The following PDE1A variants were observed in gnomAD, a reference collection of about 807,000 sequenced individuals.
PDE1A encodes the protein dual specificity calcium/calmodulin-dependent 3',5'-cyclic nucleotide phosphodiesterase 1A.
In PDE1A, 35 loss-of-function variants were observed where a neutral mutation model predicts 61.7. That is an observed-to-expected ratio of 0.57 (90% CI 0.43 to 0.75). The LOEUF is 0.75. PDE1A is among the 30% of genes least tolerant of loss of function. PDE1A has a pLI of 0.00. For synonymous variants in PDE1A, 232 were observed against 213.2 expected (o/e 1.09, Z -0.77); for missense variants, 597 against 630.6 (o/e 0.95, Z 0.57).
chr2:182,426,850 CCA>C lies in PDE1A; in HGVS notation c.-222_-221del. On this transcript the variant is annotated 5_prime_UTR_variant, in exon 1 of 14. Transcript: ENST00000351439. ...AAGACAGGCACGTTGGGGCACTCCC[CCA>C]CAGAGCAGGGTGTGCAAAAACCACC... is the stretch of plus-strand genomic sequence containing the variant. The C allele has an allele frequency of 2.9e-6, 4 of 1,365,692 alleles. No homozygotes were observed. The South Asian group carries it at 7.1e-5, about 24-fold the overall frequency. 84.6% of individuals were successfully genotyped at this position (1,365,692 alleles called of 1,614,324 possible).
intron 2 of PDE1A, among the ~76,000 whole-genome samples, chr2:182,258,562 A>G (rs1422286372): frequency 6.6e-6 from 1 of 152,234 alleles, no homozygotes; most frequent in East Asian, 1.9e-4. Context: ...TTGAGTTATA[A>G]TTCATATCTC....
exon 12 of PDE1A, chr2:182,186,558 A>T (rs1336417500): frequency 6.2e-7 from 1 of 1,612,328 alleles, no homozygotes; most frequent in Non-Finnish European, 8.5e-7. Flanking sequence ...CAGAAGAGAA[A>T]ATGTTGGCTC....
chr2:182,416,217 A>C (rs934489895), intron 1 of PDE1A, among the ~76,000 whole-genome samples: 3 of 152,220 alleles, frequency 2.0e-5, no homozygotes, highest in African/African-American at 7.2e-5. Context: ...TCAACATGGC[A>C]TTATTCGTAG....
chr2:182,704,230 A>C, the PDE1A span, among the ~76,000 whole-genome samples: 2 of 151,462 alleles, frequency 1.3e-5, no homozygotes, highest in African/African-American at 2.4e-5. Context: ...AAAAAACAAA[A>C]AAAAAAAACT....
chr2:182,293,119 AT>A (rs921006713), intron 1 of PDE1A, among the ~76,000 whole-genome samples: 2 of 152,086 alleles, frequency 1.3e-5, no homozygotes, highest in Non-Finnish European at 2.9e-5. Flanking sequence ...ATTAGCTGAT[AT>A]TTTAAAGGTA....
At chr2:182,342,334 G>A (rs62190182) in intron 1 of PDE1A, among the ~76,000 whole-genome samples, 44,845 of 151,972 alleles carry the variant, frequency 0.3, 8,083 homozygotes, top group Non-Finnish European at 0.41. Flanking sequence ...GTAAGCACGT[G>A]TCATGAAGGT....
At chr2:182,530,941 A>G in the PDE1A span, among the ~76,000 whole-genome samples, 1 of 152,132 alleles carries the variant, frequency 6.6e-6, no homozygotes. Flanking sequence ...ATCATCTGAT[A>G]TGGTTCTAAG....
At chr2:182,489,946 T>C (rs899915409) in intron 2 of PDE1A, among the ~76,000 whole-genome samples, 1 of 144,626 alleles carries the variant, frequency 6.9e-6, no homozygotes, top group Non-Finnish European at 1.5e-5. Context: ...AGACAATTAA[T>C]CTGAGAATTC....
chr2:182,204,763 G>A (rs1686959266), intron 8 of PDE1A, among the ~76,000 whole-genome samples: 1 of 152,164 alleles, frequency 6.6e-6, no homozygotes. Flanking sequence ...GGTATACATG[G>A]GTTTTCAGTT....
intron 4 of PDE1A, among the ~76,000 whole-genome samples, chr2:182,233,921 C>T (rs1023795540): frequency 2.0e-5 from 3 of 149,362 alleles, no homozygotes; most frequent in Non-Finnish European, 3.0e-5. Flanking sequence ...AGTGTAGCCA[C>T]AGGAGAAGCC....
the PDE1A span, among the ~76,000 whole-genome samples, chr2:182,670,162 G>A: frequency 3.9e-5 from 6 of 152,250 alleles, no homozygotes; most frequent in South Asian, 6.2e-4. Flanking sequence ...CCCATGTCTC[G>A]TTTGCTGGCT....
chr2:182,237,638 A>G (rs372513553), intron 3 of PDE1A, among the ~76,000 whole-genome samples: 3 of 152,202 alleles, frequency 2.0e-5, no homozygotes, highest in Admixed American at 6.5e-5. Context: ...GATACAATAT[A>G]TGATTACAAA....
chr2:182,554,850 C>T, the PDE1A span, among the ~76,000 whole-genome samples: 2 of 152,080 alleles, frequency 1.3e-5, no homozygotes, highest in Non-Finnish European at 2.9e-5. Flanking sequence ...TATAATTTAG[C>T]AAAACGAAGT....
chr2:182,207,232 A>G (rs1559184497), intron 7 of PDE1A, among the ~76,000 whole-genome samples: 1 of 152,220 alleles, frequency 6.6e-6, no homozygotes, highest in African/African-American at 2.4e-5. Context: ...AGTGATACAG[A>G]CAGTGAAGAC....
chr2:182,609,843 C>CT, the PDE1A span, among the ~76,000 whole-genome samples: 139,914 of 152,222 alleles, frequency 0.92, 65,382 homozygotes, highest in East Asian at 1. Flanking sequence ...AATCCCAGCA[C>CT]TTGGGAGGCC....
chr2:182,274,004 A>G (rs928988716), intron 1 of PDE1A, among the ~76,000 whole-genome samples: 6 of 152,092 alleles, frequency 3.9e-5, no homozygotes, highest in Non-Finnish European at 8.8e-5. Flanking sequence ...TGGCAGATTC[A>G]ATGTCTGGTG....
the PDE1A span, among the ~76,000 whole-genome samples, chr2:182,659,582 T>C: frequency 2.0e-5 from 3 of 152,324 alleles, no homozygotes; most frequent in East Asian, 3.9e-4. Flanking sequence ...ACATGAGATA[T>C]ATTTATAAAC....
the PDE1A span, among the ~76,000 whole-genome samples, chr2:182,534,291 AG>A: frequency 6.6e-6 from 1 of 151,990 alleles, no homozygotes; most frequent in Non-Finnish European, 1.5e-5. Flanking sequence ...TTTGTTATAA[AG>A]AATTCTCTAA....
intron 2 of PDE1A, among the ~76,000 whole-genome samples, chr2:182,477,724 G>A (rs867502764): frequency 2.0e-5 from 3 of 151,958 alleles, no homozygotes; most frequent in South Asian, 4.2e-4. Context: ...TCCATTTTGC[G>A]AATAAGAAAA....
Sources: allele counts gnomAD v4.1 joint callset (sites outside exome capture counted in the v4.1 genomes callset), GRCh38; gene constraint gnomAD v4.1.1; transcripts MANE v1.5; gene names NCBI Gene and HGNC (gene_info 2026-07-23, HGNC 2026-07-21).